The following SMG6 variants were observed in gnomAD, a reference collection of about 807,000 sequenced individuals.
SMG6 encodes the protein telomerase-binding protein EST1A.
Under a neutral mutation model 142.2 loss-of-function variants are expected in SMG6, and 66 were observed. That is an observed-to-expected ratio of 0.46 (90% CI 0.38 to 0.57). The LOEUF is 0.57. Among genes scored for constraint, SMG6 ranks in the 20% least tolerant of loss-of-function variants. The pLI, the probability that SMG6 is intolerant of heterozygous loss-of-function variation, is 0.00. For synonymous variants in SMG6, 779 were observed against 702.4 expected, an observed-to-expected ratio of 1.11 and a Z score of -1.72; for missense variants, 1,793 against 1,832.0, an observed-to-expected ratio of 0.98 and a Z score of 0.39.
At chr17:2,207,359 G>T (rs1001004492) in intron 10 of SMG6, among the ~76,000 whole-genome samples, 3 of 152,102 alleles carry the variant, frequency 2.0e-5, no homozygotes, top group Non-Finnish European at 4.4e-5. Context: ...AATTATCCAT[G>T]ATGGGTTTCT....
intron 8 of SMG6, among the ~76,000 whole-genome samples, chr17:2,273,971 T>C (rs1000363657): frequency 2.0e-5 from 3 of 152,234 alleles, no homozygotes; most frequent in Non-Finnish European, 2.9e-5. Flanking sequence ...CCACCACAAA[T>C]AACAAGAATC....
intron 10 of SMG6, among the ~76,000 whole-genome samples, chr17:2,225,678 A>G (rs1227131575): frequency 6.6e-6 from 1 of 152,232 alleles, no homozygotes; most frequent in African/African-American, 2.4e-5. Context: ...TAAAATTTTA[A>G]GTTTTTCTGT....
intron 8 of SMG6, among the ~76,000 whole-genome samples, chr17:2,264,370 T>A (rs2074377965): frequency 6.6e-6 from 1 of 152,228 alleles, no homozygotes; most frequent in Admixed American, 6.5e-5. Context: ...ATCAGGTTAT[T>A]CATGAGATGC....
intron 13 of SMG6, chr17:2,088,577 C>T (rs2068628584): frequency 2.0e-6 from 2 of 985,334 alleles, no homozygotes; most frequent in Non-Finnish European, 1.2e-6. Flanking sequence ...CTGGTGTTAA[C>T]AGGCCTGGAA....
At chr17:2,118,144 G>C (rs929366899) in intron 13 of SMG6, among the ~76,000 whole-genome samples, 3 of 152,152 alleles carry the variant, frequency 2.0e-5, no homozygotes, top group African/African-American at 7.2e-5. Flanking sequence ...TTGGGAGGTT[G>C]AGGTGGGAGG....
intron 10 of SMG6, among the ~76,000 whole-genome samples, chr17:2,208,306 G>A (rs1399702694): frequency 6.6e-6 from 1 of 152,084 alleles, no homozygotes; most frequent in Non-Finnish European, 1.5e-5. Context: ...GATCCAGCAT[G>A]TTATCAGACC....
chr17:2,244,447 GA>G (rs2073884454), intron 9 of SMG6, among the ~76,000 whole-genome samples: 1 of 152,130 alleles, frequency 6.6e-6, no homozygotes, highest in African/African-American at 2.4e-5. Flanking sequence ...TAAAGGTAGA[GA>G]AAGAAGAAAC....
intron 10 of SMG6, among the ~76,000 whole-genome samples, chr17:2,204,590 G>C (rs2072623186): frequency 6.6e-6 from 1 of 152,214 alleles, no homozygotes; most frequent in South Asian, 2.1e-4. Context: ...AAGCAGCAAT[G>C]AATGAAGGTG....
intron 13 of SMG6, among the ~76,000 whole-genome samples, chr17:2,141,269 A>G (rs1258562015): frequency 6.6e-6 from 1 of 152,220 alleles, no homozygotes; most frequent in Admixed American, 6.5e-5. Context: ...CTGGCCAAGA[A>G]TCTATTTGAT....
At chr17:2,092,132 C>T (rs139727530) in intron 13 of SMG6, among the ~76,000 whole-genome samples, 7 of 152,158 alleles carry the variant, frequency 4.6e-5, no homozygotes, top group African/African-American at 7.2e-5. Flanking sequence ...ATTACAGGTG[C>T]GCACTACCAT....
intron 8 of SMG6, among the ~76,000 whole-genome samples, chr17:2,261,891 T>C (rs558679925): frequency 2.6e-5 from 4 of 152,252 alleles, no homozygotes; most frequent in East Asian, 3.9e-4. Flanking sequence ...TCAAAAGCCA[T>C]AGAGTTTTAT....
At chr17:2,069,047 A>C in intron 15 of SMG6, 116 bp from the exon 16 acceptor site, 1 of 1,006,504 alleles carries the variant, frequency 9.9e-7, no homozygotes, top group Non-Finnish European at 1.5e-6. Context: ...CTTCCCCTCC[A>C]CAGTAATAAC....
chr17:2,187,803 G>A (rs189911169), intron 11 of SMG6, among the ~76,000 whole-genome samples: 5 of 151,750 alleles, frequency 3.3e-5, no homozygotes, highest in Non-Finnish European at 7.4e-5. Context: ...GCGGCATGGG[G>A]TGACAGTGGG....
chr17:2,300,151 T>C lies in SMG6; in HGVS notation c.602A>G (p.Glu201Gly). 6.2e-7 allele frequency: 1 copy of C among 1,614,128 alleles called. No individual in the cohort carries two copies. Among genetic ancestry groups the C allele is most frequent in the South Asian group, 1.1e-5 (1 of 91,078 alleles). ...VANKPDRAEI[E>G]KSPGGGRVGA... The stretch of plus-strand genomic sequence containing the variant: ...TACTCTCCCACCACCTGGGCTCTTT[T>C]CTATCTCAGCCCTGTCTGGTTTATT... The change falls in exon 2 of 19, where the codon GAA (glutamate) becomes GGA (glycine). Residue 201 changes from glutamate (E) to glycine (G), a missense_variant. Glu to Gly is a moderately conservative substitution (Grantham distance 98). Around this residue, in one of 3 missense-constraint regions of SMG6, gnomAD observed 1,597 missense variants for 1,584.6 expected, o/e 1.01. Coordinates refer to ENST00000263073, the MANE Select transcript of SMG6 (RefSeq NM_017575.5).
intron 13 of SMG6, among the ~76,000 whole-genome samples, chr17:2,140,570 G>A (rs2070446077): frequency 6.6e-6 from 1 of 151,682 alleles, no homozygotes; most frequent in Non-Finnish European, 1.5e-5. Context: ...TACTTGGGAG[G>A]CTGAGGCAGG....
At chr17:2,256,373 C>T (rs541522459) in intron 8 of SMG6, among the ~76,000 whole-genome samples, 2 of 152,076 alleles carry the variant, frequency 1.3e-5, no homozygotes, top group Admixed American at 1.3e-4. Flanking sequence ...CACACTTGGA[C>T]AATCATGAGC....
intron 18 of SMG6, among the ~76,000 whole-genome samples, chr17:2,064,381 A>G (rs906902337): frequency 1.3e-5 from 2 of 151,988 alleles, no homozygotes; most frequent in Middle Eastern, 3.5e-3. Flanking sequence ...GAGGTGGTCA[A>G]GCGCTTGGGT....
At chr17:2,286,307 C>CAAAAAAAA (rs74656326) in intron 6 of SMG6, among the ~76,000 whole-genome samples, 2 of 89,326 alleles carry the variant, frequency 2.2e-5, no homozygotes, top group Admixed American at 1.2e-4. Flanking sequence ...CTCAAATGGC[C>CAAAAAAAA]AAAAAAAAAA....
intron 8 of SMG6, among the ~76,000 whole-genome samples, chr17:2,282,213 G>T (rs767782512): frequency 1.8e-4 from 28 of 151,738 alleles, no homozygotes; most frequent in African/African-American, 6.1e-4. Context: ...AAAAGTCCCC[G>T]CCCAAGAGTT....
Sources: allele counts gnomAD v4.1 joint callset (sites outside exome capture counted in the v4.1 genomes callset), GRCh38; gene constraint gnomAD v4.1.1; regional missense constraint gnomAD v4.1.1; transcripts MANE v1.5; gene names NCBI Gene and HGNC (gene_info 2026-07-23, HGNC 2026-07-21).